The following SVEP1 variants were observed in gnomAD, a reference collection of about 807,000 sequenced individuals.
SVEP1 encodes sushi, von Willebrand factor type A, EGF and pentraxin domain containing 1.
A neutral mutation model predicts 367.3 loss-of-function variants in SVEP1; 164 were observed. That is an observed-to-expected ratio of 0.45 (90% CI 0.39 to 0.51). The LOEUF is 0.51. SVEP1 is among the 20% of genes least tolerant of loss of function. The pLI is 0.00. For missense variants in SVEP1, 4,117 were observed against 4,425.3 expected, an observed-to-expected ratio of 0.93 and a Z score of 1.98; for synonymous variants, 1,666 against 1,611.6, an observed-to-expected ratio of 1.03 and a Z score of -0.81.
intron 10 of SVEP1, among the ~76,000 whole-genome samples, chr9:110,483,312 A>G (rs1829225886): frequency 6.6e-6 from 1 of 152,220 alleles, no homozygotes; most frequent in South Asian, 2.1e-4. Context: ...CTTGGAGACT[A>G]AAGAAATTCA....
intron 9 of SVEP1, among the ~76,000 whole-genome samples, chr9:110,486,793 C>T (rs552903537): frequency 3.9e-5 from 6 of 152,018 alleles, no homozygotes; most frequent in Admixed American, 6.6e-5. Context: ...TACAGGTGTG[C>T]GCCACCACAC....
chr9:110,404,366 T>G lies in SVEP1; in HGVS notation c.9627A>C (p.Glu3209Asp). The G allele has an allele frequency of 1.2e-6, 2 of 1,613,994 alleles. No homozygotes were observed. The highest frequency in any genetic ancestry group is 1.7e-6 in the Non-Finnish European group (2 of 1,179,874). The change falls in exon 39 of 48, where the codon GAA (glutamate) becomes GAC (aspartate). Residue 3209 changes from glutamate (E) to aspartate (D), a missense_variant. Glu to Asp is a conservative substitution (Grantham distance 45). Around this residue, in one of 4 missense-constraint regions of SVEP1, gnomAD observed 1,765 missense variants for 1,781.1 expected, o/e 0.99. Coordinates refer to ENST00000374469, the MANE Select transcript of SVEP1 (RefSeq NM_153366.4). ...TGTTAACTCCCTCAAAGGTATACCCTTCTGCACATGACACAGAAACTTGCC... is the reference window on the plus strand; with the variant it reads ...TGTTAACTCCCTCAAAGGTATACCCGTCTGCACATGACACAGAAACTTGCC... Reference protein sequence around the residue: ...VNRQVSVSCAEGYTFEGVNIS... With the variant: ...VNRQVSVSCADGYTFEGVNIS...
chr9:110,466,621 C>A (rs1828941075), intron 17 of SVEP1, among the ~76,000 whole-genome samples: 1 of 150,708 alleles, frequency 6.6e-6, no homozygotes, highest in Non-Finnish European at 1.5e-5. Flanking sequence ...ATTAGCCGGG[C>A]GTAGTGGCGG....
intron 1 of SVEP1, among the ~76,000 whole-genome samples, chr9:110,551,228 T>C (rs923489210): frequency 1.3e-5 from 2 of 152,174 alleles, no homozygotes; most frequent in Admixed American, 6.5e-5. Context: ...CACTTTAGGG[T>C]GCAGACTCAC....
chr9:110,563,105 T>G (rs1175766128), intron 1 of SVEP1, among the ~76,000 whole-genome samples: 1 of 152,162 alleles, frequency 6.6e-6, no homozygotes, highest in Non-Finnish European at 1.5e-5. Flanking sequence ...TATACAAGAA[T>G]AACTATTTCA....
intron 13 of SVEP1, among the ~76,000 whole-genome samples, chr9:110,478,330 T>C (rs1333499468): frequency 1.3e-5 from 2 of 152,218 alleles, no homozygotes; most frequent in Non-Finnish European, 2.9e-5. Flanking sequence ...AACATGTAAA[T>C]TCTATAAGCA....
intron 42 of SVEP1, among the ~76,000 whole-genome samples, 153 bp downstream of exon 42, chr9:110,387,132 A>T (rs992796443): frequency 5.9e-5 from 9 of 152,230 alleles, no homozygotes; most frequent in Non-Finnish European, 1.0e-4. Context: ...ACATATTTTT[A>T]AAATATCCCA....
At position 110,443,697 on chromosome 9, in the gene SVEP1, C is replaced by A; in HGVS notation, c.4487G>T (p.Arg1496Met). Residue 1496 changes from arginine to methionine, a missense_variant, in exon 27 of 48, where the codon AGG becomes ATG. Physicochemically the swap from Arg to Met is moderately conservative, Grantham distance 91 (BLOSUM62 -1). Coordinates refer to ENST00000374469, the MANE Select transcript of SVEP1 (RefSeq NM_153366.4). ...CGAGGGACAGTTTGTTATCTTTTCCCTGCCATTCACATAAAGAACCCAGCT... is the reference window on the plus strand; with the variant it reads ...CGAGGGACAGTTTGTTATCTTTTCCATGCCATTCACATAAAGAACCCAGCT... Reference protein sequence around the residue: ...YNGWVLYVNGREKITNCPSVN... With the variant: ...YNGWVLYVNGMEKITNCPSVN... 1 of 1,607,640 alleles carries A rather than the reference C, an allele frequency of 6.2e-7. No individual in the cohort carries two copies. Among genetic ancestry groups the A allele is most frequent in the Non-Finnish European group, 8.5e-7 (1 of 1,176,760 alleles).
chr9:110,506,173 A>G (rs1829624054), intron 5 of SVEP1, among the ~76,000 whole-genome samples: 1 of 152,104 alleles, frequency 6.6e-6, no homozygotes, highest in Non-Finnish European at 1.5e-5. Context: ...GCTGCATAGT[A>G]TTTCATGGTG....
intron 18 of SVEP1, among the ~76,000 whole-genome samples, chr9:110,465,658 C>T (rs529147592): frequency 6.6e-6 from 1 of 152,268 alleles, no homozygotes; most frequent in African/African-American, 2.4e-5. Context: ...CCTAACCCAG[C>T]CCGGTGTTTA....
intron 3 of SVEP1, among the ~76,000 whole-genome samples, chr9:110,516,326 T>C (rs1829803664): frequency 1.3e-5 from 2 of 151,754 alleles, no homozygotes; most frequent in South Asian, 4.1e-4. Flanking sequence ...CTTCTAAAAT[T>C]CTTGACTTTG....
chr9:110,405,033 CA>C (rs917810337), intron 38 of SVEP1, among the ~76,000 whole-genome samples: 7 of 151,726 alleles, frequency 4.6e-5, no homozygotes, highest in Non-Finnish European at 1.0e-4. Flanking sequence ...CTCAAAAAAC[CA>C]AAAAACAAAA....
Position 110,411,446 on chromosome 9 carries a change from C to T in SVEP1, c.6265G>A (p.Val2089Ile). ...ACAGATTCCAAGATGCTATAGGAAA[C>T]CGATGGAGGTTTTTCACAGAAATGA... ...IAHFCEKPPS[V>I]SYSILESVSK... is the part of the protein sequence containing the mutation. Residue 2089 changes from valine to isoleucine, a missense_variant, in exon 37 of 48, where the codon GTT becomes ATT. By Grantham distance (29) the Val-to-Ile change is conservative. Around this residue, in one of 4 missense-constraint regions of SVEP1, gnomAD observed 2,174 missense variants for 2,494.3 expected, o/e 0.87. Coordinates refer to ENST00000374469, the MANE Select transcript of SVEP1 (RefSeq NM_153366.4). The T allele has an allele frequency of 6.2e-7, 1 of 1,614,022 alleles. No individual in the cohort carries two copies. The highest frequency in any genetic ancestry group is 8.5e-7 in the Non-Finnish European group (1 of 1,179,892).
At chr9:110,409,303 T>C (rs1359342651) in intron 37 of SVEP1, among the ~76,000 whole-genome samples, 1 of 152,098 alleles carries the variant, frequency 6.6e-6, no homozygotes, top group East Asian at 1.9e-4. Context: ...GTGCCTGTAA[T>C]CTCAGCCATT....
intron 21 of SVEP1, among the ~76,000 whole-genome samples, chr9:110,456,471 T>A (rs1032321628): frequency 6.6e-6 from 1 of 152,154 alleles, no homozygotes; most frequent in Non-Finnish European, 1.5e-5. Flanking sequence ...GAGACACACA[T>A]GCACACAACA....
chr9:110,434,576 C>A, intron 29 of SVEP1, 70 bp from the exon 30 acceptor site: 2 of 1,335,252 alleles, frequency 1.5e-6, no homozygotes, highest in South Asian at 1.3e-5. Context: ...TCAATGATTT[C>A]AAACTGTATT....
chr9:110,575,860 T>G (rs1830622093), intron 1 of SVEP1, among the ~76,000 whole-genome samples: 1 of 152,134 alleles, frequency 6.6e-6, no homozygotes, highest in South Asian at 2.1e-4. Context: ...AAAAAGGAGC[T>G]ATATATGGAC....
chr9:110,472,377 G>A (rs17806801), intron 14 of SVEP1, 54 bp from the exon 15 acceptor site: 51,026 of 1,493,342 alleles, frequency 0.034, 1,008 homozygotes, highest in Non-Finnish European at 0.038. Context: ...TTTCGTCAGC[G>A]TTCAGGTTCT....
intron 17 of SVEP1, among the ~76,000 whole-genome samples, chr9:110,468,384 T>C (rs765147588): frequency 5.3e-5 from 8 of 152,228 alleles, no homozygotes; most frequent in Non-Finnish European, 8.8e-5. Context: ...TACCCCTAAA[T>C]ATCATACCTT....
Sources: gnomAD v4.1 joint callset for allele counts (sites outside exome capture counted in the v4.1 genomes callset) on GRCh38, gnomAD v4.1.1 for gene constraint, gnomAD v4.1.1 regional missense constraint, MANE v1.5 for transcripts, NCBI Gene and HGNC (gene_info 2026-07-23, HGNC 2026-07-21) for gene names.